Variants in ARHGEF12 observed in about 807,000 individuals in gnomAD.
ARHGEF12 encodes Rho guanine nucleotide exchange factor 12.
Under a neutral mutation model 211.2 loss-of-function variants are expected in ARHGEF12, and 66 were observed. The observed-to-expected ratio is 0.31, with a 90% CI of 0.26 to 0.38. The LOEUF (loss-of-function observed/expected upper bound fraction) is 0.38. Among genes scored for constraint, ARHGEF12 ranks in the 10% least tolerant of loss-of-function variants. ARHGEF12 has a pLI of 1.00. For missense variants in ARHGEF12, 1,429 were observed against 1,869.5 expected, an observed-to-expected ratio of 0.76 and a Z score of 4.34; for synonymous variants, 592 against 638.4, an observed-to-expected ratio of 0.93 and a Z score of 1.09.
intron 29 of ARHGEF12, 54 bp downstream of exon 29, chr11:120,467,362 C>A: frequency 4.7e-6 from 5 of 1,053,364 alleles, no homozygotes; most frequent in South Asian, 2.7e-5. Flanking sequence ...ACGAAACACC[C>A]AATATCCTGT....
intron 23 of ARHGEF12, 149 bp downstream of exon 23, chr11:120,457,399 A>G: frequency 1.1e-6 from 1 of 923,336 alleles, no homozygotes; most frequent in Admixed American, 3.4e-5. Flanking sequence ...CTGAGGCAGG[A>G]GAATCAATCA....
intron 29 of ARHGEF12, among the ~76,000 whole-genome samples, chr11:120,468,126 T>G (rs1344795819): frequency 1.3e-5 from 2 of 152,180 alleles, no homozygotes; most frequent in African/African-American, 2.4e-5. Flanking sequence ...TAATTCCAAC[T>G]CTCCCGTTTT....
intron 1 of ARHGEF12, among the ~76,000 whole-genome samples, chr11:120,379,957 G>T (rs1455563274): frequency 3.3e-5 from 5 of 152,184 alleles, no homozygotes; most frequent in Non-Finnish European, 1.5e-5. Context: ...TACTGAGACA[G>T]TGTTGGCCTC....
intron 3 of ARHGEF12, chr11:120,409,144 G>A (rs888268793): frequency 1.1e-5 from 5 of 467,860 alleles, no homozygotes; most frequent in African/African-American, 9.9e-5. Context: ...GATATATTTT[G>A]TATACTATTC....
At chr11:120,360,652 C>G (rs796445583) in intron 1 of ARHGEF12, among the ~76,000 whole-genome samples, 26 of 152,324 alleles carry the variant, frequency 1.7e-4, no homozygotes, top group African/African-American at 6.0e-4. Flanking sequence ...CTCGGCTTCC[C>G]AAAGTGCTGG....
intron 1 of ARHGEF12, among the ~76,000 whole-genome samples, chr11:120,348,686 A>G (rs1942841925): frequency 6.6e-6 from 1 of 152,180 alleles, no homozygotes; most frequent in Admixed American, 6.5e-5. Context: ...TACTAAAAAT[A>G]CAAAATTAGC....
intron 15 of ARHGEF12, among the ~76,000 whole-genome samples, chr11:120,442,427 TACACAC>T (rs59268139): frequency 9.3e-4 from 134 of 144,050 alleles, no homozygotes; most frequent in African/African-American, 2.7e-3. Flanking sequence ...TATATATATA[TACACAC>T]ACACACACAC....
chr11:120,376,046 T>C (rs1411606336), intron 1 of ARHGEF12, among the ~76,000 whole-genome samples: 3 of 152,140 alleles, frequency 2.0e-5, no homozygotes, highest in African/African-American at 2.4e-5. Flanking sequence ...TAACATGATA[T>C]GTGACTATTG....
chr11:120,383,117 C>G lies in ARHGEF12; in HGVS notation c.33-23001C>G, dbSNP rs984700148. 2.6e-5 allele frequency among the ~76,000 whole-genome samples: 4 copies of G among 151,726 alleles called. No individual in the cohort carries two copies. The South Asian group carries it at 8.3e-4, about 32-fold the overall frequency. On this transcript the variant is annotated intron_variant, in intron 1 of 40. Coordinates refer to ENST00000397843, the MANE Select transcript of ARHGEF12 (RefSeq NM_015313.3). ...TCGCACCACTGCACTCCAGCCTGGG[C>G]GACAGAGCCAGACTCCGTCTCAAAA...
At position 120,488,587 on chromosome 11, in the gene ARHGEF12, A is replaced by G. The variant is rs1302864572; in HGVS notation, c.*3510A>G. 4.6e-6 allele frequency: 1 copy of G among 219,352 alleles called. No individual in the cohort carries two copies. The highest frequency in any genetic ancestry group is 5.8e-5 in the Admixed American group (1 of 17,290). 13.6% of individuals were successfully genotyped at this position (219,352 alleles called of 1,614,324 possible). ...GGGTTTTGATAATAAATTGGTAGGA[A>G]AAAAAAGTACCTCCTAGAAGGAAGC... On this transcript the variant is annotated 3_prime_UTR_variant, in exon 41 of 41. Transcript: ENST00000397843.
intron 1 of ARHGEF12, among the ~76,000 whole-genome samples, chr11:120,349,173 C>T (rs1405895478): frequency 6.6e-6 from 1 of 152,136 alleles, no homozygotes; most frequent in Non-Finnish European, 1.5e-5. Flanking sequence ...GATTAGAATT[C>T]TTGAGACAGT....
At chr11:120,351,465 T>A (rs1942967436) in intron 1 of ARHGEF12, among the ~76,000 whole-genome samples, 3 of 60,088 alleles carry the variant, frequency 5.0e-5, no homozygotes, top group African/African-American at 8.0e-5. Flanking sequence ...ATTTTTTTTT[T>A]TTTTTTTTTT....
At chr11:120,354,654 C>T (rs1943081936) in intron 1 of ARHGEF12, among the ~76,000 whole-genome samples, 1 of 151,960 alleles carries the variant, frequency 6.6e-6, no homozygotes. Context: ...TTAGTAACCC[C>T]AGAAAATCTA....
Position 120,484,441 on chromosome 11 carries a change from G to T in ARHGEF12, c.4558G>T (p.Val1520Leu), listed in dbSNP as rs769625980. 23 of 1,613,812 alleles carry T rather than the reference G, an allele frequency of 1.4e-5. No individual in the cohort carries two copies. The highest frequency in any genetic ancestry group is 1.0e-5 in the Non-Finnish European group (12 of 1,179,870). The change falls in exon 40 of 41, where the codon GTG (valine) becomes TTG (leucine). Residue 1520 changes from valine to leucine, a missense_variant. By Grantham distance (32) the Val-to-Leu change is conservative. This residue lies in a region of ARHGEF12 where 467 missense variants were observed against 468.4 expected (regional missense o/e 1.00). Transcript: ENST00000397843. ...ACCTATGGGTTTTATTTCACAGAAG[G>T]TGGAGGAAAGTTACACCATTCTTTG... is the stretch of plus-strand genomic sequence containing the variant. Reference protein sequence around the residue: ...IEADLEHLKKVEESYTILCQR... With the variant: ...IEADLEHLKKLEESYTILCQR...
chr11:120,414,986 C>CAT (rs1196290207), intron 4 of ARHGEF12, among the ~76,000 whole-genome samples: 2 of 152,116 alleles, frequency 1.3e-5, no homozygotes, highest in African/African-American at 4.8e-5. Context: ...AAAGTGCTGG[C>CAT]ATATAGCACA....
At chr11:120,359,832 A>G (rs1367484832) in intron 1 of ARHGEF12, among the ~76,000 whole-genome samples, 1 of 152,244 alleles carries the variant, frequency 6.6e-6, no homozygotes, top group African/African-American at 2.4e-5. Flanking sequence ...GGAGTACATT[A>G]TAAAGGAAAC....
intron 1 of ARHGEF12, among the ~76,000 whole-genome samples, chr11:120,393,047 A>G (rs558528193): frequency 2.0e-5 from 3 of 152,316 alleles, no homozygotes; most frequent in Non-Finnish European, 2.9e-5. Context: ...GGTAACTTAT[A>G]TCCTCTGTAG....
intron 1 of ARHGEF12, among the ~76,000 whole-genome samples, chr11:120,388,428 C>G (rs1944105748): frequency 6.6e-6 from 1 of 152,138 alleles, no homozygotes; most frequent in Non-Finnish European, 1.5e-5. Context: ...TTGCTTTGGA[C>G]ATTCATGTAC....
chr11:120,437,453 C>A, intron 12 of ARHGEF12, 71 bp downstream of exon 12: 1 of 1,014,082 alleles, frequency 9.9e-7, no homozygotes, highest in Non-Finnish European at 1.4e-6. Context: ...GGTATAGACA[C>A]ATCTGATGTT....
Sources: allele counts gnomAD v4.1 joint callset (sites outside exome capture counted in the v4.1 genomes callset), GRCh38; gene constraint gnomAD v4.1.1; regional missense constraint gnomAD v4.1.1; transcripts MANE v1.5; gene names NCBI Gene and HGNC (gene_info 2026-07-23, HGNC 2026-07-21).